The following TSNARE1 variants were observed in gnomAD, a reference collection of about 807,000 sequenced individuals.
TSNARE1 encodes t-SNARE domain-containing protein 1.
TSNARE1 carries 49 observed loss-of-function variants against 62.0 expected under a neutral mutation model. That is an observed-to-expected ratio of 0.79 (90% CI 0.63 to 1.00). TSNARE1 has a LOEUF of 1.00. Among genes scored for constraint, TSNARE1 ranks in the 50% least tolerant of loss-of-function variants. The pLI, the probability that TSNARE1 is intolerant of heterozygous loss-of-function variation, is 0.00. For missense variants in TSNARE1, 755 were observed against 700.1 expected (o/e 1.08, Z -0.88); for synonymous variants, 328 against 294.4 (o/e 1.11, Z -1.17).
intron 12 of TSNARE1, among the ~76,000 whole-genome samples, chr8:142,245,261 T>C (rs1248040139): frequency 2.0e-5 from 3 of 152,116 alleles, no homozygotes; most frequent in Admixed American, 6.6e-5. Context: ...TGGAAAGCAA[T>C]TCAGTCTCAG....
At chr8:142,278,504 T>C (rs1586971263) in intron 11 of TSNARE1, 3 of 985,334 alleles carry the variant, frequency 3.0e-6, no homozygotes, top group Non-Finnish European at 3.6e-6. Context: ...CTTCGAAGGG[T>C]GTGCCACCAT....
chr8:142,349,373 A>C (rs1833799061), intron 2 of TSNARE1, among the ~76,000 whole-genome samples: 1 of 152,260 alleles, frequency 6.6e-6, no homozygotes, highest in Admixed American at 6.5e-5. Context: ...AGCAGTTTCT[A>C]GGGAAATTTC....
intron 1 of TSNARE1, among the ~76,000 whole-genome samples, chr8:142,358,399 G>A (rs1195500716): frequency 6.6e-6 from 1 of 152,180 alleles, no homozygotes; most frequent in Non-Finnish European, 1.5e-5. Flanking sequence ...TGGGAGGAGG[G>A]AAGGGATTCA....
chr8:142,238,474 G>C (rs1817540971), intron 12 of TSNARE1, among the ~76,000 whole-genome samples: 1 of 152,082 alleles, frequency 6.6e-6, no homozygotes. Flanking sequence ...TCGACAGACA[G>C]ATGCTGGTAG....
At chr8:142,331,575 C>T (rs142348839) in intron 5 of TSNARE1, among the ~76,000 whole-genome samples, 179 bp downstream of exon 5, 1 of 152,040 alleles carries the variant, frequency 6.6e-6, no homozygotes, top group African/African-American at 2.4e-5. Context: ...GACGGCCTGA[C>T]GGGGGAAGCC....
chr8:142,308,069 T>C (rs539655440), intron 9 of TSNARE1, among the ~76,000 whole-genome samples: 23 of 152,352 alleles, frequency 1.5e-4, no homozygotes, highest in African/African-American at 5.5e-4. Flanking sequence ...TGTCCTTTCA[T>C]TGTTTTTCAA....
At chr8:142,336,038 T>G (rs1349378366) in intron 4 of TSNARE1, among the ~76,000 whole-genome samples, 1 of 152,110 alleles carries the variant, frequency 6.6e-6, no homozygotes, top group Non-Finnish European at 1.5e-5. Flanking sequence ...ATCCCAACAC[T>G]TTCCGAGGCT....
intron 9 of TSNARE1, among the ~76,000 whole-genome samples, chr8:142,310,400 C>T (rs773378609): frequency 1.3e-5 from 2 of 152,174 alleles, no homozygotes; most frequent in Non-Finnish European, 2.9e-5. Context: ...TCATCATCAC[C>T]GTTCCACCGT....
chr8:142,365,659 A>T (rs1033806028), intron 1 of TSNARE1, among the ~76,000 whole-genome samples: 1 of 152,096 alleles, frequency 6.6e-6, no homozygotes, highest in African/African-American at 2.4e-5. Flanking sequence ...AACAAAGAAT[A>T]AACCAAATGA....
At chr8:142,407,011 A>G (rs1327201081), upstream of TSNARE1, 1 of 152,286 alleles carries the variant, frequency 6.6e-6, no homozygotes, top group African/African-American at 2.4e-5. Context: ...AAAATGAAGT[A>G]AAAGAATAGA....
chr8:142,238,885 T>C (rs1022772434), intron 12 of TSNARE1, among the ~76,000 whole-genome samples: 5 of 151,778 alleles, frequency 3.3e-5, no homozygotes, highest in Non-Finnish European at 5.9e-5. Context: ...TCAGCTCAGG[T>C]GGCATCTCCT....
chr8:142,300,381 G>A (rs1825503322), intron 10 of TSNARE1, 105 bp downstream of exon 10: 2 of 1,366,554 alleles, frequency 1.5e-6, no homozygotes, highest in South Asian at 1.4e-5. Context: ...AGCCCCTCCA[G>A]GTCAAGGGCA....
rs192286531 is a variant in TSNARE1 at position 142,237,882 on chromosome 8, G to A, written c.1447-8303C>T. Among the ~76,000 whole-genome samples the A allele has an allele frequency of 1.8e-4, 27 of 152,300 alleles. No individual in the cohort carries two copies. In the East Asian group the frequency reaches 3.3e-3, roughly 19 times the overall value. ...AGGGTGGCTTACAGCTTTTTAATGC[G>A]TCTGACTTAGAGAAGCGTCGGGTTG... On this transcript the variant is annotated intron_variant, in intron 12 of 13. Coordinates refer to ENST00000524325, the MANE Select transcript of TSNARE1 (RefSeq NM_145003.5).
At chr8:142,364,841 A>G (rs1473797530) in intron 1 of TSNARE1, among the ~76,000 whole-genome samples, 1 of 152,220 alleles carries the variant, frequency 6.6e-6, no homozygotes, top group East Asian at 1.9e-4. Context: ...TTATAGATGA[A>G]TAAGTAGAAA....
chr8:142,301,993 C>T (rs1209192092), intron 9 of TSNARE1, among the ~76,000 whole-genome samples: 1 of 152,228 alleles, frequency 6.6e-6, no homozygotes, highest in East Asian at 1.9e-4. Context: ...ACGAACAGTG[C>T]CACGTGTGCC....
intron 9 of TSNARE1, among the ~76,000 whole-genome samples, chr8:142,301,837 G>A (rs758850872): frequency 4.6e-5 from 7 of 152,174 alleles, no homozygotes; most frequent in African/African-American, 1.2e-4. Context: ...CACAACAGCC[G>A]AGGACACTGA....
chr8:142,318,155 C>T (rs1828878498), intron 7 of TSNARE1, among the ~76,000 whole-genome samples: 1 of 152,080 alleles, frequency 6.6e-6, no homozygotes, highest in South Asian at 2.1e-4. Context: ...GTGCAGGTGG[C>T]CTTGGGTGGC....
At chr8:142,262,629 G>A (rs867056901) in intron 12 of TSNARE1, among the ~76,000 whole-genome samples, 2 of 152,062 alleles carry the variant, frequency 1.3e-5, no homozygotes, top group African/African-American at 2.4e-5. Flanking sequence ...CTGTCATGGC[G>A]ATAGTGAGTT....
chr8:142,270,662 T>A (rs1819448744), intron 12 of TSNARE1: 1 of 985,198 alleles, frequency 1.0e-6, no homozygotes, highest in African/African-American at 1.7e-5. Flanking sequence ...AGATCACGCT[T>A]GGGACCTTTT....
Sources: gnomAD v4.1 joint callset for allele counts (sites outside exome capture counted in the v4.1 genomes callset) on GRCh38, gnomAD v4.1.1 for gene constraint, MANE v1.5 for transcripts, NCBI Gene and HGNC (gene_info 2026-07-23, HGNC 2026-07-21) for gene names.